Variants in PRKCA observed in about 807,000 individuals in gnomAD.
The protein encoded by PRKCA is protein kinase C alpha type.
Under a neutral mutation model 87.0 loss-of-function variants are expected in PRKCA, and 27 were observed. That is an observed-to-expected ratio of 0.31 (90% CI 0.23 to 0.43). The LOEUF is 0.43. PRKCA is among the 20% of genes least tolerant of loss of function. The pLI is 1.00. For synonymous variants in PRKCA, 329 were observed against 311.1 expected, an observed-to-expected ratio of 1.06 and a Z score of -0.61; for missense variants, 518 against 852.3, an observed-to-expected ratio of 0.61 and a Z score of 4.88.
intron 1 of PRKCA, among the ~76,000 whole-genome samples, chr17:66,303,502 G>GT (rs1310091578): frequency 0.15 from 2,150 of 14,754 alleles, 54 homozygotes; most frequent in African/African-American, 0.27. Context: ...CGCGTTCGGG[G>GT]TGGGGGGGTT....
At chr17:66,386,697 A>C (rs1210089240) in intron 2 of PRKCA, among the ~76,000 whole-genome samples, 1 of 152,234 alleles carries the variant, frequency 6.6e-6, no homozygotes, top group African/African-American at 2.4e-5. Flanking sequence ...TGGTTCAAAA[A>C]ATGTACAATT....
chr17:66,381,071 C>T (rs1261482160), intron 2 of PRKCA, among the ~76,000 whole-genome samples: 1 of 151,852 alleles, frequency 6.6e-6, no homozygotes, highest in Non-Finnish European at 1.5e-5. Flanking sequence ...TCCAGAATAG[C>T]AGGGACTACA....
chr17:66,351,629 TCTC>T (rs1417905410), intron 2 of PRKCA, among the ~76,000 whole-genome samples: 1 of 152,216 alleles, frequency 6.6e-6, no homozygotes, highest in African/African-American at 2.4e-5. Flanking sequence ...TATAAGCTAT[TCTC>T]CTGGGGTTAT....
chr17:66,482,126 G>GA (rs376872193), intron 2 of PRKCA, among the ~76,000 whole-genome samples: 4 of 142,578 alleles, frequency 2.8e-5, no homozygotes, highest in African/African-American at 7.8e-5. Context: ...AAGAAAAAAA[G>GA]AAAAAAAAGA....
chr17:66,314,138 A>G (rs986974163), intron 2 of PRKCA, among the ~76,000 whole-genome samples: 1 of 152,208 alleles, frequency 6.6e-6, no homozygotes, highest in Non-Finnish European at 1.5e-5. Context: ...CATTCTTCAG[A>G]GCCAAGTGGA....
At chr17:66,491,071 G>A (rs1916223921) in intron 2 of PRKCA, among the ~76,000 whole-genome samples, 1 of 152,138 alleles carries the variant, frequency 6.6e-6, no homozygotes, top group Non-Finnish European at 1.5e-5. Flanking sequence ...TTTGTTATTT[G>A]GCCAAGTCTG....
At chr17:66,520,611 C>T (rs754790204) in intron 3 of PRKCA, among the ~76,000 whole-genome samples, 10 of 152,140 alleles carry the variant, frequency 6.6e-5, no homozygotes, top group Non-Finnish European at 1.0e-4. Context: ...TCAAAAGGCA[C>T]GTTAAGTTCA....
intron 8 of PRKCA, among the ~76,000 whole-genome samples, chr17:66,692,043 C>T (rs1361925084): frequency 6.6e-6 from 1 of 152,154 alleles, no homozygotes; most frequent in Non-Finnish European, 1.5e-5. Context: ...GGTCAGAGGC[C>T]GCAGGGCTGT....
intron 2 of PRKCA, among the ~76,000 whole-genome samples, chr17:66,419,734 A>G (rs1912378108): frequency 1.3e-5 from 2 of 152,160 alleles, no homozygotes; most frequent in Non-Finnish European, 2.9e-5. Flanking sequence ...GTCCCTTCTG[A>G]ATCATCAGAT....
At chr17:66,442,912 G>A (rs562639434) in intron 2 of PRKCA, among the ~76,000 whole-genome samples, 8 of 152,128 alleles carry the variant, frequency 5.3e-5, no homozygotes, top group Non-Finnish European at 8.8e-5. Context: ...CCTCAGAGCC[G>A]GTAACTGTTC....
At chr17:66,309,144 G>T (rs757720511) in intron 2 of PRKCA, among the ~76,000 whole-genome samples, 3 of 152,110 alleles carry the variant, frequency 2.0e-5, no homozygotes, top group Non-Finnish European at 2.9e-5. Flanking sequence ...AACTAGAGGG[G>T]TGTGTATGCT....
chr17:66,338,006 C>T (rs192939209), intron 2 of PRKCA, among the ~76,000 whole-genome samples: 35 of 150,908 alleles, frequency 2.3e-4, no homozygotes, highest in African/African-American at 6.3e-4. Flanking sequence ...ATCTTCCCCC[C>T]CCTCCGCCCC....
intron 2 of PRKCA, among the ~76,000 whole-genome samples, chr17:66,357,441 C>T (rs1908131024): frequency 1.3e-5 from 2 of 152,098 alleles, no homozygotes; most frequent in Admixed American, 1.3e-4. Flanking sequence ...AAATAAATCC[C>T]AATGTATTAT....
intron 8 of PRKCA, among the ~76,000 whole-genome samples, chr17:66,708,111 T>C (rs1567987579): frequency 6.6e-6 from 1 of 152,180 alleles, no homozygotes; most frequent in Non-Finnish European, 1.5e-5. Context: ...CGCCATGATG[T>C]ACACATGATG....
At chr17:66,409,583 A>G (rs1394077598) in intron 2 of PRKCA, among the ~76,000 whole-genome samples, 1 of 152,204 alleles carries the variant, frequency 6.6e-6, no homozygotes, top group Admixed American at 6.5e-5. Flanking sequence ...ATAGTCTTGT[A>G]TTTTAGATAG....
chr17:66,773,657 G>A (rs1974988167), intron 13 of PRKCA, among the ~76,000 whole-genome samples: 1 of 151,882 alleles, frequency 6.6e-6, no homozygotes, highest in Admixed American at 6.6e-5. Flanking sequence ...CCCGGCCTCT[G>A]GCTTTTTCTC....
At chr17:66,655,181 C>A (rs528233240) in intron 5 of PRKCA, among the ~76,000 whole-genome samples, 3 of 152,226 alleles carry the variant, frequency 2.0e-5, no homozygotes, top group African/African-American at 7.2e-5. Context: ...CATTCAAATG[C>A]GTATGCTTTT....
At chr17:66,395,080 A>G (rs1910586843) in intron 2 of PRKCA, among the ~76,000 whole-genome samples, 1 of 152,200 alleles carries the variant, frequency 6.6e-6, no homozygotes, top group Non-Finnish European at 1.5e-5. Flanking sequence ...ACCTAAGGAT[A>G]TAGTTGCTAA....
rs60607715 is a variant in PRKCA at position 66,446,719 on chromosome 17, G to A, written c.206-49482G>A. Among the ~76,000 whole-genome samples, 32 of 152,256 alleles carry A rather than the reference G, an allele frequency of 2.1e-4. 1 individual carries two copies. The East Asian group carries it at 3.3e-3, about 16-fold the overall frequency. On this transcript the variant is annotated intron_variant, in intron 2 of 16. Coordinates refer to ENST00000413366, the MANE Select transcript of PRKCA (RefSeq NM_002737.3). ...TGTTCAGTCTTACCTATGACTCAAC[G>A]TCAGGAAGCTGAGGACCCCGGTAGC... is the stretch of plus-strand genomic sequence containing the variant.
Sources: allele counts gnomAD v4.1 joint callset (sites outside exome capture counted in the v4.1 genomes callset), GRCh38; gene constraint gnomAD v4.1.1; transcripts MANE v1.5; gene names NCBI Gene and HGNC (gene_info 2026-07-23, HGNC 2026-07-21).